RGS2: variants seen among roughly 807,000 people sequenced by gnomAD.
The protein encoded by RGS2 is G0 to G1 switch regulatory 8, 24kD.
A neutral mutation model predicts 26.6 loss-of-function variants in RGS2; 20 were observed. The observed-to-expected ratio is 0.75, with a 90% CI of 0.53 to 1.09. The LOEUF is 1.09. Among genes scored for constraint, RGS2 ranks in the 50% least tolerant of loss-of-function variants. RGS2 has a pLI of 0.00. For synonymous variants in RGS2, 97 were observed against 79.9 expected, an observed-to-expected ratio of 1.21 and a Z score of -1.14; for missense variants, 246 against 245.5, an observed-to-expected ratio of 1.00 and a Z score of -0.01.
chr1:192,812,242 T>C lies in RGS2; in HGVS notation c.*646T>C, dbSNP rs1365330026. On this transcript the variant is annotated 3_prime_UTR_variant, in exon 5 of 5. Coordinates refer to ENST00000235382, the MANE Select transcript of RGS2 (RefSeq NM_002923.4). ...ACACTTTGAAGTGGTCTTTGAATACTTTTAATAAATTTATTTTGATAAATA... is the reference window on the plus strand; with the variant it reads ...ACACTTTGAAGTGGTCTTTGAATACCTTTAATAAATTTATTTTGATAAATA... The C allele has an allele frequency of 6.6e-6, 1 of 152,650 alleles. No individual in the cohort carries two copies. The allele number at this position is 152,650 out of a possible 1,614,324, so 9.5% of individuals were successfully genotyped here.
chr1:192,809,296 GA>G, intron 1 of RGS2, 115 bp downstream of exon 1: 10 of 789,368 alleles, frequency 1.3e-5, no homozygotes, highest in Non-Finnish European at 2.0e-5. Flanking sequence ...CCTATGCAGG[GA>G]AAAAAAATCG....
chr1:192,809,108 T>G lies in RGS2; in HGVS notation c.37T>G (p.Cys13Gly). The change falls in exon 1 of 5, where the codon TGC (cysteine) becomes GGC (glycine). Residue 13 changes from cysteine (C) to glycine (G), a missense_variant. Transcript: ENST00000235382. The part of the protein sequence containing the change: ...SAMFLAVQHD[C>G]RPMDKSAGSG... Reference sequence around the variant, plus strand: ...TATGTTCTTGGCTGTTCAACACGACTGCAGACCCATGGACAAGAGCGCAGG... The same window carrying G: ...TATGTTCTTGGCTGTTCAACACGACGGCAGACCCATGGACAAGAGCGCAGG... 6.2e-7 allele frequency: 1 copy of G among 1,614,006 alleles called. No homozygotes were observed. Among genetic ancestry groups the G allele is most frequent in the Non-Finnish European group, 8.5e-7 (1 of 1,179,924 alleles).
rs1164153184 is a variant in RGS2 at position 192,809,114 on chromosome 1, C to G, written c.43C>G (p.Pro15Ala). 2.3e-5 allele frequency: 37 copies of G among 1,613,916 alleles called. No homozygotes were observed. The highest frequency in any genetic ancestry group is 3.1e-5 in the Non-Finnish European group (36 of 1,179,940). ...MFLAVQHDCR[P>A]MDKSAGSGHK... ...CTTGGCTGTTCAACACGACTGCAGA[C>G]CCATGGACAAGAGCGCAGGCAGTGG... Residue 15 changes from proline to alanine, a missense_variant, in exon 1 of 5, where the codon CCC becomes GCC. Pro to Ala is a conservative substitution (Grantham distance 27). Transcript: ENST00000235382.
At chr1:192,809,491 T>C (rs1287040790) in intron 1 of RGS2, 1 of 419,720 alleles carries the variant, frequency 2.4e-6, no homozygotes, top group Non-Finnish European at 4.5e-6. Context: ...CCAGCATTCA[T>C]ACGTTGCATG....
Position 192,809,105 on chromosome 1 carries a change from G to A in RGS2, c.34G>A (p.Asp12Asn), listed in dbSNP as rs372230356. 29 of 1,614,034 alleles carry A rather than the reference G, an allele frequency of 1.8e-5. No homozygotes were observed. The highest frequency in any genetic ancestry group is 2.4e-5 in the Non-Finnish European group (28 of 1,179,926). The change falls in exon 1 of 5, where the codon GAC (aspartate) becomes AAC (asparagine). Residue 12 changes from aspartate to asparagine, a missense_variant. Physicochemically the swap from Asp to Asn is conservative, Grantham distance 23. Transcript: ENST00000235382. The stretch of plus-strand genomic sequence containing the variant: ...TGCTATGTTCTTGGCTGTTCAACAC[G>A]ACTGCAGACCCATGGACAAGAGCGC... The part of the protein sequence containing the change: ...QSAMFLAVQH[D>N]CRPMDKSAGS...
At chr1:192,810,825 TC>T in intron 3 of RGS2, 155 bp from the exon 4 acceptor site, 1 of 843,432 alleles carries the variant, frequency 1.2e-6, no homozygotes, top group Non-Finnish European at 2.0e-6. Context: ...GGTATCTTAG[TC>T]TTTAAAAAGC....
intron 2 of RGS2, 29 bp from the exon 3 acceptor site, chr1:192,810,341 T>G (rs45594334): frequency 9.3e-6 from 15 of 1,611,930 alleles, no homozygotes; most frequent in Non-Finnish European, 1.3e-5. Flanking sequence ...CTGATGTGCG[T>G]AAGCTAACAT....
At position 192,811,583 on chromosome 1, in the gene RGS2, C is replaced by T; in HGVS notation, c.623C>T (p.Pro208Leu). The T allele has an allele frequency of 6.2e-7, 1 of 1,614,000 alleles. No homozygotes were observed. The highest frequency in any genetic ancestry group is 1.3e-5 in the African/African-American group (1 of 75,012). The part of the protein sequence containing the change: ...LCKKPQITTE[P>L]HAT ...AAAAAGCCACAAATCACCACAGAGC[C>T]TCATGCTACATGAAATGTAAAAGGG... Residue 208 changes from proline (P) to leucine (L), a missense_variant, in exon 5 of 5, where the codon CCT becomes CTT. Coordinates refer to ENST00000235382, the MANE Select transcript of RGS2 (RefSeq NM_002923.4).
Position 192,809,049 on chromosome 1 carries a change from G to C in RGS2, c.-23G>C, listed in dbSNP as rs1022535708. On this transcript the variant is annotated 5_prime_UTR_variant, in exon 1 of 5. Transcript: ENST00000235382. ...GACGCACGCCCAGCCGCAAACAGCC[G>C]GGGCTCCAGCGGGAGAACGATAATG... is the stretch of plus-strand genomic sequence containing the variant. 1.7e-5 allele frequency: 27 copies of C among 1,563,184 alleles called. No individual in the cohort carries two copies. In the Admixed American group the frequency reaches 4.2e-4, roughly 24 times the overall value.
At chr1:192,810,565 T>A (rs1231784371) in intron 3 of RGS2, 134 bp downstream of exon 3, 3 of 785,326 alleles carry the variant, frequency 3.8e-6, no homozygotes, top group Non-Finnish European at 6.7e-6. Context: ...TGTTTTTCTT[T>A]CCTTTATTTC....
Position 192,811,634 on chromosome 1 carries a change from T to C in RGS2, c.*38T>C, listed in dbSNP as rs774856176. The C allele has an allele frequency of 6.3e-7, 1 of 1,584,506 alleles. No individual in the cohort carries two copies. Among genetic ancestry groups the C allele is most frequent in the Admixed American group, 1.7e-5 (1 of 59,984 alleles). On this transcript the variant is annotated 3_prime_UTR_variant, in exon 5 of 5. Transcript: ENST00000235382. ...AGCCCAGAAATGGAGGACATTTCAT[T>C]CTTTTTCCTGAGGGGAAGGACTGTG...
rs1005569036 is a variant in RGS2, at chr1:192,810,660, A to C, written c.274+229A>C. ...ACAAATTAAAGTGGCAGTTGCTTAT[A>C]GTTAAGGTTGAGTCAGTTTTTCCAT... On this transcript the variant is annotated intron_variant, in intron 3 of 4. Coordinates refer to ENST00000235382, the MANE Select transcript of RGS2 (RefSeq NM_002923.4). 3 of 623,606 alleles carry C rather than the reference A, an allele frequency of 4.8e-6. No individual in the cohort carries two copies. The East Asian group carries it at 8.2e-5, about 17-fold the overall frequency. 38.6% of individuals were successfully genotyped at this position (623,606 alleles called of 1,614,324 possible). A position where few individuals can be genotyped will look rare whatever the true frequency, so the allele number is the denominator to read the frequency against.
intron 4 of RGS2, 109 bp downstream of exon 4, chr1:192,811,256 C>T (rs768289587): frequency 2.9e-6 from 4 of 1,362,022 alleles, no homozygotes; most frequent in East Asian, 2.3e-5. Flanking sequence ...AGTCCCTCCA[C>T]GTTGTAGCTT....
rs759666784 is a variant in RGS2 at position 192,811,408 on chromosome 1, A to G, written c.448A>G (p.Ile150Val). 1.6e-5 allele frequency: 26 copies of G among 1,612,264 alleles called. No individual in the cohort carries two copies. Among genetic ancestry groups the G allele is most frequent in the Non-Finnish European group, 2.0e-5 (23 of 1,178,896 alleles). ...CTTTTTTGTTTTATTTCAGATAAAC[A>G]TAGATTTTCAAACCAAAACTCTGAT... ...IEKEAPKEIN[I>V]DFQTKTLIAQ... Residue 150 changes from isoleucine (I) to valine (V), a missense_variant, in exon 5 of 5, where the codon ATA becomes GTA. Ile to Val is a conservative substitution (Grantham distance 29). Transcript: ENST00000235382.
At position 192,810,277 on chromosome 1, in the gene RGS2, G is replaced by A; in HGVS notation, c.212+10G>A. The A allele has an allele frequency of 1.2e-6, 2 of 1,611,270 alleles. No homozygotes were observed. Among genetic ancestry groups the A allele is most frequent in the South Asian group, 1.1e-5 (1 of 91,036 alleles). The stretch of plus-strand genomic sequence containing the variant: ...AGCAAGCTTTCATCAAGTAAGTTGA[G>A]AATCCTGTGCTTGCAAATATCAATA... On this transcript the variant is annotated intron_variant, in intron 2 of 4. Coordinates refer to ENST00000235382, the MANE Select transcript of RGS2 (RefSeq NM_002923.4).
chr1:192,811,174 C>T, intron 4 of RGS2, 27 bp downstream of exon 4: 1 of 1,610,594 alleles, frequency 6.2e-7, no homozygotes, highest in Non-Finnish European at 8.5e-7. Context: ...CTAATTTCAG[C>T]ACAATCTGGA....
At chr1:192,809,242 C>A in intron 1 of RGS2, 61 bp downstream of exon 1, 1 of 1,207,962 alleles carries the variant, frequency 8.3e-7, no homozygotes, top group Non-Finnish European at 1.2e-6. Context: ...GCTGCAAACG[C>A]GGTACTTTCG....
At chr1:192,810,060 TTG>T in intron 1 of RGS2, 104 bp from the exon 2 acceptor site, 1 of 741,842 alleles carries the variant, frequency 1.3e-6, no homozygotes, top group Non-Finnish European at 2.4e-6. Context: ...CTTATGCGGT[TTG>T]TCTCTAGTTA....
chr1:192,809,227 T>C, intron 1 of RGS2, 46 bp downstream of exon 1: 2 of 1,328,584 alleles, frequency 1.5e-6, no homozygotes, highest in East Asian at 2.3e-5. Context: ...TGCCCCACAC[T>C]GCAAGCTGCA....
Sources: gnomAD v4.1 joint callset for allele counts on GRCh38, gnomAD v4.1.1 for gene constraint, MANE v1.5 for transcripts, NCBI Gene and HGNC (gene_info 2026-07-23, HGNC 2026-07-21) for gene names.